Variants in EIF3H observed in about 807,000 individuals in gnomAD.
EIF3H encodes the protein eIF-3-gamma.
A neutral mutation model predicts 44.2 loss-of-function variants in EIF3H; 26 were observed. The observed-to-expected ratio is 0.59, with a 90% CI of 0.43 to 0.82. The LOEUF (loss-of-function observed/expected upper bound fraction) is 0.82. EIF3H is among the 40% of genes least tolerant of loss of function. The probability of loss-of-function intolerance (pLI) is 0.00; values close to 1 mark genes in which losing one functional copy is unlikely to be tolerated. For synonymous variants in EIF3H, 166 were observed against 151.9 expected (o/e 1.09, Z -0.68); for missense variants, 359 against 432.8 (o/e 0.83, Z 1.51).
At chr8:116,746,434 A>G (rs1422568265) in intron 1 of EIF3H, among the ~76,000 whole-genome samples, 2 of 152,238 alleles carry the variant, frequency 1.3e-5, no homozygotes, top group Non-Finnish European at 2.9e-5. Context: ...CAATGCCATA[A>G]TAAATACACA....
At chr8:116,728,349 G>A (rs78059659) in intron 1 of EIF3H, among the ~76,000 whole-genome samples, 1,783 of 152,054 alleles carry the variant, frequency 0.012, 38 homozygotes, top group African/African-American at 0.04. Flanking sequence ...ATGGCTAAAG[G>A]TCACACATCT....
upstream of EIF3H, chr8:116,766,305 G>T (rs1050814141): frequency 8.2e-5 from 27 of 330,714 alleles, no homozygotes; most frequent in Admixed American, 4.9e-5. Flanking sequence ...TTCTTTTACC[G>T]TGGCCCCAGA....
At position 116,749,661 on chromosome 8, in the gene EIF3H, T is replaced by C. The variant is rs147680621; in HGVS notation, c.132+6005A>G. On this transcript the variant is annotated intron_variant, in intron 1 of 7. Transcript: ENST00000521861. ...TTTGTTTTTTTTCTTTTAACTCATC[T>C]GTATTTGTTACAACTTTAAGCAGAA... Among the ~76,000 whole-genome samples, 42 of 152,304 alleles carry C rather than the reference T, an allele frequency of 2.8e-4. 1 individual carries two copies. The East Asian group carries it at 4.2e-3, about 15-fold the overall frequency.
chr8:116,733,734 C>A (rs1266956125), intron 1 of EIF3H, among the ~76,000 whole-genome samples: 1 of 151,696 alleles, frequency 6.6e-6, no homozygotes, highest in Non-Finnish European at 1.5e-5. Context: ...ATATTTATTT[C>A]TCTTAAAAAT....
At chr8:116,675,700 G>A (rs1192303251) in intron 2 of EIF3H, among the ~76,000 whole-genome samples, 2 of 152,050 alleles carry the variant, frequency 1.3e-5, no homozygotes, top group African/African-American at 4.8e-5. Flanking sequence ...CTTTTGAGAG[G>A]GGATTATAAC....
rs775819658 is a variant in EIF3H, at chr8:116,726,082, G to A, written c.223C>T (p.Arg75Trp). The stretch of plus-strand genomic sequence containing the variant: ...GGAAAGCAGTTGGTAATTTCAAGCC[G>A]ATCTTCTACAACCAGACCCAAAAGC... ...GVLLGLVVED[R>W]LEITNCFPFP... is the part of the protein sequence containing the mutation. The change falls in exon 2 of 8, where the codon CGG (arginine) becomes TGG (tryptophan). Residue 75 changes from arginine to tryptophan, a missense_variant. By Grantham distance (101) the Arg-to-Trp change is moderately radical. This residue lies in a region of EIF3H where 91 missense variants were observed against 164.6 expected (regional missense o/e 0.55). Transcript: ENST00000521861. 8.1e-6 allele frequency: 13 copies of A among 1,614,010 alleles called. No homozygotes were observed. The highest frequency in any genetic ancestry group is 5.5e-5 in the South Asian group (5 of 91,076).
upstream of EIF3H, among the ~76,000 whole-genome samples, chr8:116,756,882 T>A (rs1413208616): frequency 1.3e-5 from 2 of 152,170 alleles, no homozygotes; most frequent in East Asian, 3.8e-4. Context: ...AAAATTACAC[T>A]AGAAATTGGT....
At chr8:116,743,072 TTTTTA>T (rs1672867126) in intron 1 of EIF3H, among the ~76,000 whole-genome samples, 1 of 152,206 alleles carries the variant, frequency 6.6e-6, no homozygotes, top group Non-Finnish European at 1.5e-5. Context: ...AAGGAAATAC[TTTTTA>T]TTTTGTTTTA....
intron 1 of EIF3H, among the ~76,000 whole-genome samples, chr8:116,735,361 G>GT (rs1475632430): frequency 4.6e-5 from 7 of 152,216 alleles, no homozygotes; most frequent in African/African-American, 1.7e-4. Context: ...AGTAACTACA[G>GT]TATCTTATAA....
rs532811618 is a variant in EIF3H at position 116,643,951 on chromosome 8, C to T, written c.*1055G>A. 1 of 152,276 alleles carries T rather than the reference C, an allele frequency of 6.6e-6. No individual in the cohort carries two copies. Among genetic ancestry groups the T allele is most frequent in the East Asian group, 1.9e-4 (1 of 5,190 alleles). The allele number at this position is 152,276 out of a possible 1,614,324, so 9.4% of individuals were successfully genotyped here. A position where few individuals can be genotyped will look rare whatever the true frequency, so the allele number is the denominator to read the frequency against. ...AAAATATGTTTTTCCCAATGTACTACCATTCTCCTAATTCCTAATTCCTCA... is the reference window on the plus strand; with the variant it reads ...AAAATATGTTTTTCCCAATGTACTATCATTCTCCTAATTCCTAATTCCTCA... On this transcript the variant is annotated 3_prime_UTR_variant, in exon 8 of 8. Transcript: ENST00000521861.
At chr8:116,677,300 C>T (rs1010049494) in intron 2 of EIF3H, among the ~76,000 whole-genome samples, 4 of 151,676 alleles carry the variant, frequency 2.6e-5, no homozygotes, top group Admixed American at 6.5e-5. Context: ...TACAAATCAA[C>T]GTACTTTGCA....
At chr8:116,718,493 TAAAG>T (rs1392117759) in intron 2 of EIF3H, among the ~76,000 whole-genome samples, 1 of 151,428 alleles carries the variant, frequency 6.6e-6, no homozygotes, top group Non-Finnish European at 1.5e-5. Flanking sequence ...AATCAGTGGA[TAAAG>T]AAAATGTGTT....
At chr8:116,689,932 T>G (rs924806125) in intron 2 of EIF3H, among the ~76,000 whole-genome samples, 3 of 152,194 alleles carry the variant, frequency 2.0e-5, no homozygotes, top group African/African-American at 7.2e-5. Flanking sequence ...GCAAGAGGTT[T>G]GAGAGCTGGT....
chr8:116,680,129 C>T (rs1327838165), intron 2 of EIF3H, among the ~76,000 whole-genome samples: 1 of 64,538 alleles, frequency 1.5e-5, no homozygotes, highest in African/African-American at 4.8e-5. Flanking sequence ...GTGAGGGGCG[C>T]CTCTGCCCGG....
intron 2 of EIF3H, among the ~76,000 whole-genome samples, chr8:116,678,204 G>A (rs541124024): frequency 4.6e-5 from 7 of 152,102 alleles, no homozygotes; most frequent in East Asian, 3.9e-4. Context: ...TGTGTTGGCC[G>A]GGCTGGTCTC....
At chr8:116,646,366 C>T in intron 7 of EIF3H, 105 bp downstream of exon 7, 3 of 1,515,306 alleles carry the variant, frequency 2.0e-6, no homozygotes, top group Non-Finnish European at 2.7e-6. Context: ...CTATTTCAAA[C>T]ATACTAGCTT....
At chr8:116,766,347 C>A (rs181937835), upstream of EIF3H, 75 of 410,234 alleles carry the variant, frequency 1.8e-4, no homozygotes, top group African/African-American at 1.4e-3. Context: ...CGGAATCGCG[C>A]ACCCCAGCGG....
At chr8:116,690,904 C>T (rs1814163111) in intron 2 of EIF3H, among the ~76,000 whole-genome samples, 2 of 152,190 alleles carry the variant, frequency 1.3e-5, no homozygotes, top group Admixed American at 6.5e-5. Context: ...ATTCTCAACA[C>T]ATTAAAGGCT....
At chr8:116,694,487 T>C (rs1814233630) in intron 2 of EIF3H, among the ~76,000 whole-genome samples, 1 of 152,212 alleles carries the variant, frequency 6.6e-6, no homozygotes, top group Non-Finnish European at 1.5e-5. Flanking sequence ...AGTAAAAAAA[T>C]CATTCATATA....
Sources: allele counts gnomAD v4.1 joint callset (sites outside exome capture counted in the v4.1 genomes callset), GRCh38; gene constraint gnomAD v4.1.1; regional missense constraint gnomAD v4.1.1; transcripts MANE v1.5; gene names NCBI Gene and HGNC (gene_info 2026-07-23, HGNC 2026-07-21).